CDC73: variants seen among roughly 807,000 people sequenced by gnomAD.
CDC73 encodes parafibromin.
A neutral mutation model predicts 83.7 loss-of-function variants in CDC73; 21 were observed. The observed-to-expected ratio is 0.25, with a 90% CI of 0.18 to 0.36. The LOEUF (loss-of-function observed/expected upper bound fraction) is 0.36. Among genes scored for constraint, CDC73 ranks in the 10% least tolerant of loss-of-function variants. The pLI is 1.00. For synonymous variants in CDC73, 224 were observed against 212.9 expected (o/e 1.05, Z -0.45); for missense variants, 342 against 653.3 (o/e 0.52, Z 5.19).
chr1:193,145,418 A>C (rs1675978725), intron 7 of CDC73, among the ~76,000 whole-genome samples: 1 of 152,206 alleles, frequency 6.6e-6, no homozygotes, highest in African/African-American at 2.4e-5. Context: ...AAAGCACAAT[A>C]AATGTCGAAT....
chr1:193,130,472 A>C (rs578177272), intron 3 of CDC73, among the ~76,000 whole-genome samples: 1 of 152,322 alleles, frequency 6.6e-6, no homozygotes, highest in South Asian at 2.1e-4. Context: ...ACAGTCTCAA[A>C]GACTTTGTCT....
intron 10 of CDC73, among the ~76,000 whole-genome samples, chr1:193,152,996 C>T (rs1676145752): frequency 6.6e-6 from 1 of 151,906 alleles, no homozygotes; most frequent in African/African-American, 2.4e-5. Context: ...GTCTGGATCT[C>T]CTGACCTCGT....
intron 10 of CDC73, among the ~76,000 whole-genome samples, chr1:193,155,580 C>T (rs935047906): frequency 1.1e-4 from 16 of 152,132 alleles, no homozygotes; most frequent in African/African-American, 3.9e-4. Context: ...GAGTTCAAGA[C>T]CAGCTCGGTT....
At chr1:193,139,272 C>CTT (rs1028528462) in intron 6 of CDC73, among the ~76,000 whole-genome samples, 53 of 143,460 alleles carry the variant, frequency 3.7e-4, no homozygotes, top group Non-Finnish European at 7.5e-4. Flanking sequence ...TTGTTTTGCT[C>CTT]TTTTTTTTTT....
At chr1:193,152,641 G>A (rs1242443402) in intron 10 of CDC73, among the ~76,000 whole-genome samples, 197 bp downstream of exon 10, 1 of 152,004 alleles carries the variant, frequency 6.6e-6, no homozygotes, top group Non-Finnish European at 1.5e-5. Context: ...TTCAAATTAA[G>A]TTGAATATAT....
chr1:193,214,144 C>T (rs934628164), intron 13 of CDC73, among the ~76,000 whole-genome samples: 5 of 152,186 alleles, frequency 3.3e-5, no homozygotes, highest in African/African-American at 1.2e-4. Flanking sequence ...CTTAGTACTG[C>T]CTACACTTTC....
chr1:193,123,679 T>TG (rs1282031885), intron 1 of CDC73, among the ~76,000 whole-genome samples: 1 of 152,140 alleles, frequency 6.6e-6, no homozygotes, highest in Non-Finnish European at 1.5e-5. Flanking sequence ...AATTTTTTTT[T>TG]TTTTAGACAA....
chr1:193,205,208 C>CT (rs61054810), intron 11 of CDC73, among the ~76,000 whole-genome samples: 13,042 of 81,550 alleles, frequency 0.16, 2,229 homozygotes, highest in African/African-American at 0.26. Context: ...CCCCCCCCCC[C>CT]TTTTTTTTTA....
chr1:193,162,205 A>AATATATATTATATATTATCTATTATATT (rs1676341830), intron 10 of CDC73, among the ~76,000 whole-genome samples: 1 of 9,678 alleles, frequency 1.0e-4, no homozygotes, highest in Non-Finnish European at 2.1e-4. Context: ...TATTGTATAT[A>AATATATATTATATATTATCTATTATATT]ATATATATTA....
intron 14 of CDC73, among the ~76,000 whole-genome samples, chr1:193,233,789 T>C (rs867884954): frequency 4.6e-5 from 7 of 152,328 alleles, no homozygotes; most frequent in Non-Finnish European, 8.8e-5. Context: ...GGAATAGCTC[T>C]TTTATCATGG....
At chr1:193,244,590 G>GT (rs1239021112) in intron 15 of CDC73, among the ~76,000 whole-genome samples, 3 of 152,110 alleles carry the variant, frequency 2.0e-5, no homozygotes, top group South Asian at 4.1e-4. Context: ...CAAGTGTAAC[G>GT]TTTTTTAACA....
chr1:193,129,801 C>A (rs1675662891), intron 2 of CDC73, among the ~76,000 whole-genome samples: 1 of 152,114 alleles, frequency 6.6e-6, no homozygotes, highest in South Asian at 2.1e-4. Context: ...GTGTGAGCCA[C>A]CGCGCCCAGC....
chr1:193,142,397 G>T (rs1375262649), intron 7 of CDC73, among the ~76,000 whole-genome samples: 1 of 152,120 alleles, frequency 6.6e-6, no homozygotes, highest in East Asian at 1.9e-4. Context: ...TTGATGGCAA[G>T]TTCTCTGGTT....
At chr1:193,246,940 A>T (rs1387319848) in intron 15 of CDC73, among the ~76,000 whole-genome samples, 1 of 152,126 alleles carries the variant, frequency 6.6e-6, no homozygotes, top group Non-Finnish European at 1.5e-5. Context: ...TTTCAGCATG[A>T]TCAGCTTATT....
intron 13 of CDC73, among the ~76,000 whole-genome samples, chr1:193,231,349 T>C (rs1677660572): frequency 6.6e-6 from 1 of 152,214 alleles, no homozygotes; most frequent in South Asian, 2.1e-4. Context: ...AGAATCCCTT[T>C]GTTCTGTGTG....
At chr1:193,141,219 C>A (rs1002453174) in intron 6 of CDC73, 1 of 152,320 alleles carries the variant, frequency 6.6e-6, no homozygotes, top group African/African-American at 2.4e-5. Flanking sequence ...CATTTTATGA[C>A]GTATACTTTC....
intron 10 of CDC73, chr1:193,181,302 G>C (rs768636884): frequency 6.2e-7 from 1 of 1,613,950 alleles, no homozygotes; most frequent in Non-Finnish European, 8.5e-7. Flanking sequence ...GGGTTTGAGG[G>C]ACTGTTTCTT....
At chr1:193,122,420 C>T (rs1675470262) in intron 1 of CDC73, 89 bp downstream of exon 1, 44 of 1,534,090 alleles carry the variant, frequency 2.9e-5, no homozygotes, top group Non-Finnish European at 3.7e-5. Flanking sequence ...CCCCCGTTTC[C>T]CCTGGGGATG....
intron 10 of CDC73, among the ~76,000 whole-genome samples, chr1:193,154,577 G>A (rs1676176296): frequency 1.3e-5 from 2 of 152,296 alleles, no homozygotes; most frequent in South Asian, 4.1e-4. Flanking sequence ...AAAAGGCATT[G>A]TGTAGGAATG....
Sources: allele counts gnomAD v4.1 joint callset (sites outside exome capture counted in the v4.1 genomes callset), GRCh38; gene constraint gnomAD v4.1.1; transcripts MANE v1.5; gene names NCBI Gene and HGNC (gene_info 2026-07-23, HGNC 2026-07-21).